The following POLR2F variants were observed in gnomAD, a reference collection of about 807,000 sequenced individuals.
POLR2F encodes DNA-directed RNA polymerases I, II, and III subunit RPABC2.
Under a neutral mutation model 22.7 loss-of-function variants are expected in POLR2F, and 12 were observed. That is an observed-to-expected ratio of 0.53 (90% confidence interval 0.34 to 0.86). The LOEUF (loss-of-function observed/expected upper bound fraction) is 0.86, where lower values mean the gene tolerates loss of function less well. Ranked by LOEUF, POLR2F falls within the 40% of genes least tolerant of loss-of-function variation. The pLI is 0.02. For synonymous variants in POLR2F, 57 were observed against 66.0 expected (o/e 0.86, Z 0.66); for missense variants, 126 against 171.5 (o/e 0.73, Z 1.48).
At chr22:38,035,437 A>C (rs1198978107) in intron 5 of POLR2F, among the ~76,000 whole-genome samples, 1 of 152,212 alleles carries the variant, frequency 6.6e-6, no homozygotes, top group East Asian at 1.9e-4. Context: ...CAGTGGGGCA[A>C]GTGGGAATCA....
downstream of POLR2F, chr22:37,972,237 C>G (rs1442191964): frequency 1.5e-6 from 2 of 1,301,498 alleles, no homozygotes; most frequent in Non-Finnish European, 2.0e-6. Flanking sequence ...TAGCTACTTC[C>G]AGAAAGCATT....
intron 1 of POLR2F, among the ~76,000 whole-genome samples, chr22:37,992,701 C>T (rs1008061079): frequency 2.0e-5 from 3 of 152,150 alleles, no homozygotes; most frequent in East Asian, 1.9e-4. Context: ...GCCCGCCCCC[C>T]GGCTAATTTT....
intron 3 of POLR2F, among the ~76,000 whole-genome samples, chr22:37,962,454 CAGT>C (rs1255471941): frequency 9.2e-5 from 14 of 152,152 alleles, no homozygotes; most frequent in Non-Finnish European, 1.8e-4. Flanking sequence ...CCCCATTCCT[CAGT>C]AGCGGACCTC....
At position 37,997,968 on chromosome 22, in the gene POLR2F, G is replaced by A. The variant is rs1383277892; in HGVS notation, c.120+11656G>A. On this transcript the variant is annotated intron_variant, in intron 1 of 2. Transcript: ENST00000333418. This position sits in a 1 kb window ranked among gnomAD's most constrained non-coding sequence, Gnocchi z 4.4. ...TGCCCAGATTGATGGAAGAGCAGGT[G>A]TTTGTGTCCCCTTCCGGTGAGAGCT... is the stretch of plus-strand genomic sequence containing the variant. Among the ~76,000 whole-genome samples, 1 of 152,248 alleles carries A rather than the reference G, an allele frequency of 6.6e-6. No homozygotes were observed. The highest frequency in any genetic ancestry group is 1.5e-5 in the Non-Finnish European group (1 of 68,050).
upstream of POLR2F, among the ~76,000 whole-genome samples, chr22:37,981,372 G>A (rs1932390860): frequency 1.3e-5 from 2 of 152,174 alleles, no homozygotes; most frequent in African/African-American, 4.8e-5. Flanking sequence ...CCATGGTTCT[G>A]GCCCCATCCT....
chr22:38,020,204 T>C (rs374156031), intron 1 of POLR2F, among the ~76,000 whole-genome samples: 1 of 90,968 alleles, frequency 1.1e-5, no homozygotes, highest in African/African-American at 5.1e-5. Flanking sequence ...CACACACATA[T>C]ATACACACAC....
chr22:38,025,982 T>A (rs750736504), exon 2 of POLR2F: 4 of 585,022 alleles, frequency 6.8e-6, no homozygotes, highest in Non-Finnish European at 1.4e-5. Flanking sequence ...GAGAATGTGC[T>A]CCTCAGAGGG....
At chr22:38,040,849 C>G in intron 5 of POLR2F, 1 of 655,342 alleles carries the variant, frequency 1.5e-6, no homozygotes, top group Non-Finnish European at 2.6e-6. Flanking sequence ...GGTCAGCGCT[C>G]TGTAATGGCA....
intron 1 of POLR2F, among the ~76,000 whole-genome samples, chr22:38,013,350 T>C (rs977404830): frequency 1.3e-5 from 2 of 152,164 alleles, no homozygotes; most frequent in African/African-American, 4.8e-5. Flanking sequence ...TTCATCATGT[T>C]GGCCAGGCTG....
At chr22:38,039,079 G>A (rs1338728235) in intron 5 of POLR2F, among the ~76,000 whole-genome samples, 1 of 152,144 alleles carries the variant, frequency 6.6e-6, no homozygotes, top group Non-Finnish European at 1.5e-5. Flanking sequence ...GCCATTTCCC[G>A]CGGCCCTTGC....
chr22:38,019,151 TG>T (rs1219327928), intron 1 of POLR2F, among the ~76,000 whole-genome samples: 2 of 151,786 alleles, frequency 1.3e-5, no homozygotes, highest in Non-Finnish European at 2.9e-5. Flanking sequence ...TGCATGTGTG[TG>T]GGTGTCTGTG....
At chr22:37,987,498 C>G in intron 1 of POLR2F, 1 of 356,730 alleles carries the variant, frequency 2.8e-6, no homozygotes, top group Non-Finnish European at 5.5e-6. Flanking sequence ...CACTGGGTCC[C>G]TGGTCCCTCA....
At chr22:38,039,531 G>A (rs1221567446) in intron 5 of POLR2F, among the ~76,000 whole-genome samples, 1 of 152,174 alleles carries the variant, frequency 6.6e-6, no homozygotes, top group Non-Finnish European at 1.5e-5. Context: ...CCTTGTGAGA[G>A]CCGGTGCCCG....
intron 1 of POLR2F, among the ~76,000 whole-genome samples, chr22:38,003,326 G>A (rs1038276016): frequency 6.6e-6 from 1 of 151,448 alleles, no homozygotes; most frequent in Non-Finnish European, 1.5e-5. Context: ...TCCCGGGTTC[G>A]AGCGATTCTC....
downstream of POLR2F, chr22:37,969,341 G>A: frequency 1.0e-6 from 1 of 984,854 alleles, no homozygotes; most frequent in Non-Finnish European, 1.2e-6. Flanking sequence ...TAGGGTTTGG[G>A]CATAGTCTCT....
At chr22:37,991,521 T>A (rs1386214304) in intron 1 of POLR2F, among the ~76,000 whole-genome samples, 1 of 152,264 alleles carries the variant, frequency 6.6e-6, no homozygotes, top group Non-Finnish European at 1.5e-5. Flanking sequence ...AAACTGCTCT[T>A]TAAAATATTT....
At chr22:37,958,940 C>G (rs1269829095) in intron 2 of POLR2F, among the ~76,000 whole-genome samples, 1 of 152,206 alleles carries the variant, frequency 6.6e-6, no homozygotes, top group African/African-American at 2.4e-5. Context: ...CTCAGCTCCC[C>G]TATCTGAAAG....
intron 1 of POLR2F, among the ~76,000 whole-genome samples, chr22:37,991,809 A>C (rs536328268): frequency 1.3e-5 from 2 of 152,166 alleles, no homozygotes; most frequent in Non-Finnish European, 2.9e-5. Flanking sequence ...ACTGACCCCC[A>C]GTTCCCTGTG....
chr22:37,977,407 G>A (rs1252024574), intron 4 of POLR2F, among the ~76,000 whole-genome samples: 2 of 150,192 alleles, frequency 1.3e-5, no homozygotes, highest in Admixed American at 6.6e-5. Context: ...TGCAAGCTCC[G>A]CCTCCTGGGT....
Sources: gnomAD v4.1 joint callset for allele counts (sites outside exome capture counted in the v4.1 genomes callset) on GRCh38, gnomAD v4.1.1 for gene constraint, Gnocchi (gnomAD v3.1) non-coding constraint, MANE v1.5 for transcripts, NCBI Gene and HGNC (gene_info 2026-07-23, HGNC 2026-07-21) for gene names.